Variants in AFG2A observed in about 807,000 individuals in gnomAD.
AFG2A encodes the protein AAA ATPase AFG2A, also known as ATPase family gene 2 protein homolog A.
At chr4:123,008,392 G>A in the AFG2A span, among the ~76,000 whole-genome samples, 1 of 152,052 alleles carries the variant, frequency 6.6e-6, no homozygotes, top group African/African-American at 2.4e-5. Flanking sequence ...TCCAATATTG[G>A]GGATCAAATT....
the AFG2A span, among the ~76,000 whole-genome samples, chr4:123,129,696 C>G: frequency 6.6e-6 from 1 of 152,176 alleles, no homozygotes; most frequent in Admixed American, 6.5e-5. Context: ...CAGAATGTTG[C>G]AGTTTGTCAA....
At chr4:122,929,771 A>G in the AFG2A span, among the ~76,000 whole-genome samples, 3 of 151,858 alleles carry the variant, frequency 2.0e-5, no homozygotes, top group East Asian at 1.9e-4. Flanking sequence ...ATCAATGTGT[A>G]TGTTACACTT....
the AFG2A span, chr4:122,923,126 T>C: frequency 1.9e-6 from 3 of 1,613,900 alleles, no homozygotes; most frequent in Non-Finnish European, 2.5e-6. Flanking sequence ...CTGCTTCGGC[T>C]AGGGTACCTT....
the AFG2A span, among the ~76,000 whole-genome samples, chr4:123,121,036 A>G: frequency 2.0e-5 from 3 of 152,162 alleles, no homozygotes; most frequent in Admixed American, 1.3e-4. Context: ...TAGAGGTGGA[A>G]GACAGTGATA....
the AFG2A span, among the ~76,000 whole-genome samples, chr4:122,968,206 A>G: frequency 6.6e-6 from 1 of 152,180 alleles, no homozygotes; most frequent in Non-Finnish European, 1.5e-5. Flanking sequence ...CCTCAATGTT[A>G]TTTAAACCAG....
chr4:123,001,069 T>C, the AFG2A span, among the ~76,000 whole-genome samples: 1 of 142,240 alleles, frequency 7.0e-6, no homozygotes, highest in African/African-American at 2.5e-5. Flanking sequence ...CCATTTCTTC[T>C]AGATTTTCTA....
chr4:122,983,399 T>C, the AFG2A span, among the ~76,000 whole-genome samples: 2 of 152,194 alleles, frequency 1.3e-5, no homozygotes, highest in African/African-American at 4.8e-5. Context: ...TAAAATTAGG[T>C]TGTTCATTTG....
the AFG2A span, among the ~76,000 whole-genome samples, chr4:123,237,672 CAAAAAAAAAAAAA>C: frequency 1.7e-4 from 11 of 66,630 alleles, 1 homozygote; most frequent in African/African-American, 6.5e-4. Context: ...AACCTTGTCT[CAAAAAAAAAAAAA>C]AAAAAAAAAA....
the AFG2A span, chr4:123,315,866 C>A: frequency 3.3e-5 from 5 of 152,208 alleles, no homozygotes; most frequent in African/African-American, 9.7e-5. Context: ...CACCTTCAAA[C>A]TCCTGGAGCT....
chr4:123,139,602 A>G, the AFG2A span, among the ~76,000 whole-genome samples: 2 of 152,114 alleles, frequency 1.3e-5, no homozygotes, highest in Non-Finnish European at 2.9e-5. Context: ...ACTTCATATT[A>G]GTGAATTAAG....
the AFG2A span, among the ~76,000 whole-genome samples, chr4:123,261,456 C>G: frequency 3.9e-5 from 6 of 152,084 alleles, no homozygotes; most frequent in African/African-American, 1.4e-4. Flanking sequence ...TATAGCATGA[C>G]AACTATATAG....
chr4:122,959,260 A>T, the AFG2A span, among the ~76,000 whole-genome samples: 1 of 152,228 alleles, frequency 6.6e-6, no homozygotes, highest in Non-Finnish European at 1.5e-5. Flanking sequence ...GTTTCCTCCC[A>T]GAAGTTTTTT....
the AFG2A span, among the ~76,000 whole-genome samples, chr4:122,986,274 T>C: frequency 6.6e-6 from 1 of 152,210 alleles, no homozygotes; most frequent in Non-Finnish European, 1.5e-5. Context: ...ATGTTCTGTG[T>C]ATATCAGTTA....
chr4:122,953,441 C>T, the AFG2A span, among the ~76,000 whole-genome samples: 22 of 152,230 alleles, frequency 1.4e-4, no homozygotes, highest in African/African-American at 2.4e-4. Flanking sequence ...CACTAGGGCA[C>T]GCACAGTGTG....
the AFG2A span, among the ~76,000 whole-genome samples, chr4:123,305,324 T>TC: frequency 1.3e-5 from 2 of 152,160 alleles, no homozygotes; most frequent in Non-Finnish European, 2.9e-5. Flanking sequence ...AGGGAGCGGT[T>TC]CTTGGTTCCC....
At chr4:122,988,557 C>T in the AFG2A span, among the ~76,000 whole-genome samples, 2 of 151,996 alleles carry the variant, frequency 1.3e-5, no homozygotes, top group Non-Finnish European at 2.9e-5. Flanking sequence ...CGCCACCACA[C>T]CAAGCTAATT....
the AFG2A span, among the ~76,000 whole-genome samples, chr4:123,100,501 TC>T: frequency 6.6e-6 from 1 of 151,978 alleles, no homozygotes; most frequent in Non-Finnish European, 1.5e-5. Context: ...CTCATCTTTT[TC>T]TTGTGAACTA....
At chr4:123,170,789 T>C in the AFG2A span, among the ~76,000 whole-genome samples, 3 of 152,226 alleles carry the variant, frequency 2.0e-5, no homozygotes, top group Non-Finnish European at 2.9e-5. Flanking sequence ...TGATTTTTCT[T>C]CTTTTTTCAA....
At chr4:123,116,527 T>A in the AFG2A span, among the ~76,000 whole-genome samples, 1 of 152,184 alleles carries the variant, frequency 6.6e-6, no homozygotes, top group Non-Finnish European at 1.5e-5. Context: ...AGGAAAACCC[T>A]CCCTGACCCA....
Sources: gnomAD v4.1 joint callset for allele counts (sites outside exome capture counted in the v4.1 genomes callset) on GRCh38, gnomAD v4.1.1 for gene constraint, MANE v1.5 for transcripts, NCBI Gene and HGNC (gene_info 2026-07-23, HGNC 2026-07-21) for gene names.